Variants in HMGN5 observed in about 807,000 individuals in gnomAD.
HMGN5 encodes the protein high mobility group nucleosome binding domain 5, also known as high mobility group nucleosome-binding domain-containing protein 5.
A neutral mutation model predicts 9.5 loss-of-function variants in HMGN5; 4 were observed. The ratio of observed to expected loss-of-function variants is 0.42; its 90% CI spans 0.21 to 0.96. HMGN5 has a LOEUF of 0.96. Ranked by LOEUF, HMGN5 falls within the 40% of genes least tolerant of loss-of-function variation. HMGN5 has a pLI of 0.30. For missense variants in HMGN5, 192 were observed against 187.5 expected (o/e 1.02, Z -0.14); for synonymous variants, 55 against 57.1 (o/e 0.96, Z 0.16).
chrX:81,148,142 C>T (rs1406399841), intron 1 of HMGN5, among the ~76,000 whole-genome samples: 1 of 111,950 alleles, frequency 8.9e-6, no homozygotes, highest in Non-Finnish European at 1.9e-5. Context: ...CTTGAACTTT[C>T]ATATGGAACC....
At chrX:81,120,393 T>C (rs1569340587) in intron 2 of HMGN5, among the ~76,000 whole-genome samples, 1 of 111,313 alleles carries the variant, frequency 9.0e-6, no homozygotes, top group African/African-American at 3.3e-5. Context: ...AAGGTTGCTG[T>C]CAGCTCTGGA....
At chrX:81,124,990 G>C (rs910342174) in intron 1 of HMGN5, among the ~76,000 whole-genome samples, 2 of 110,288 alleles carry the variant, frequency 1.8e-5, no homozygotes, top group East Asian at 5.6e-4. Flanking sequence ...TATTGACAGA[G>C]AATCCAAAAG....
At chrX:81,198,057 G>C (rs965380606) in intron 1 of HMGN5, among the ~76,000 whole-genome samples, 3 of 111,386 alleles carry the variant, frequency 2.7e-5, no homozygotes, top group Non-Finnish European at 3.8e-5. Context: ...AAGAGCAAAG[G>C]CATGAGAGTG....
intron 1 of HMGN5, among the ~76,000 whole-genome samples, chrX:81,159,029 T>C (rs1329579026): frequency 8.9e-6 from 1 of 111,751 alleles, no homozygotes; most frequent in East Asian, 2.8e-4. Flanking sequence ...GTGGTACATA[T>C]ACACCATGGA....
chrX:81,128,907 A>C (rs1183255489), intron 1 of HMGN5, among the ~76,000 whole-genome samples: 1 of 111,943 alleles, frequency 8.9e-6, no homozygotes, highest in Non-Finnish European at 1.9e-5. Context: ...AGCTTACTCA[A>C]GTCTTCGTTT....
chrX:81,152,377 A>T (rs192945685), intron 1 of HMGN5, among the ~76,000 whole-genome samples: 3,370 of 112,004 alleles, frequency 0.03, 52 homozygotes, highest in Non-Finnish European at 0.048. Flanking sequence ...TTATGCAGCC[A>T]AAAAACACAT....
At chrX:81,138,757 C>A (rs142523727) in intron 1 of HMGN5, among the ~76,000 whole-genome samples, 1,295 of 111,254 alleles carry the variant, frequency 0.012, 11 homozygotes, top group Non-Finnish European at 0.018. Flanking sequence ...ATAAAAAAAC[C>A]TCTAGAACTA....
At chrX:81,155,058 GATATCAGTAT>G (rs951115166) in intron 1 of HMGN5, among the ~76,000 whole-genome samples, 4 of 86,632 alleles carry the variant, frequency 4.6e-5, no homozygotes, top group Admixed American at 1.4e-4. Context: ...TAAAAGAAAG[GATATCAGTAT>G]ATATCAGTAT....
At chrX:81,122,388 T>A (rs370620761) in intron 1 of HMGN5, among the ~76,000 whole-genome samples, 2 of 111,638 alleles carry the variant, frequency 1.8e-5, no homozygotes, top group East Asian at 2.8e-4. Context: ...AGATTTTTAA[T>A]CTGAAGGTTG....
chrX:81,167,485 AACAT>A (rs1313636865), intron 1 of HMGN5, among the ~76,000 whole-genome samples: 3 of 109,200 alleles, frequency 2.7e-5, no homozygotes, highest in Non-Finnish European at 5.7e-5. Flanking sequence ...CACACACACA[AACAT>A]ATAACTGAAG....
intron 1 of HMGN5, among the ~76,000 whole-genome samples, chrX:81,155,299 A>C (rs1457575148): frequency 1.9e-5 from 2 of 105,180 alleles, no homozygotes; most frequent in African/African-American, 6.9e-5. Context: ...ATTATAAAAT[A>C]TAAATTAGAG....
chrX:81,159,990 G>T (rs1259325596), intron 1 of HMGN5, among the ~76,000 whole-genome samples: 1 of 111,614 alleles, frequency 9.0e-6, no homozygotes, highest in African/African-American at 3.3e-5. Context: ...TCAAATATTT[G>T]TATGCAATTA....
In HMGN5 at chrX:81,127,705, T is replaced by G. The variant is rs1429462655; in HGVS notation, c.-123-6033A>C. On this transcript the variant is annotated intron_variant, in intron 1 of 6. Coordinates refer to ENST00000358130, the MANE Select transcript of HMGN5 (RefSeq NM_030763.3). ...AACACATGGGCCATCAACTGGAGCT[T>G]GCTTTAACTTAGACACATTTAAGGT... 1.1e-4 allele frequency among the ~76,000 whole-genome samples: 12 copies of G among 111,506 alleles called. No homozygotes were observed. The Admixed American group carries it at 1.2e-3, about 11-fold the overall frequency.
intron 1 of HMGN5, among the ~76,000 whole-genome samples, chrX:81,127,366 G>T (rs1159319286): frequency 9.0e-6 from 1 of 111,560 alleles, no homozygotes; most frequent in African/African-American, 3.3e-5. Flanking sequence ...ACTAGTGAGG[G>T]TTGATTAGAA....
chrX:81,165,393 C>T (rs1271061592), intron 1 of HMGN5, among the ~76,000 whole-genome samples: 3 of 110,836 alleles, frequency 2.7e-5, no homozygotes, highest in African/African-American at 9.8e-5. Context: ...GTGTATATAA[C>T]ATTGATTGAG....
chrX:81,151,690 A>AT (rs1387477656), intron 1 of HMGN5, among the ~76,000 whole-genome samples: 1 of 111,023 alleles, frequency 9.0e-6, no homozygotes, highest in African/African-American at 3.3e-5. Context: ...ATTCCTAAGT[A>AT]TTTTATTCTC....
intron 1 of HMGN5, among the ~76,000 whole-genome samples, chrX:81,132,247 T>C (rs1488426113): frequency 1.8e-5 from 2 of 111,273 alleles, no homozygotes; most frequent in Non-Finnish European, 3.8e-5. Flanking sequence ...CCCATGATCA[T>C]GGAAAGGAAG....
intron 1 of HMGN5, among the ~76,000 whole-genome samples, chrX:81,199,959 A>G (rs771768692): frequency 1.2e-4 from 13 of 112,069 alleles, no homozygotes; most frequent in African/African-American, 4.2e-4. Flanking sequence ...AATGGGAGAA[A>G]ATTTTTGCAA....
At chrX:81,173,038 C>A (rs1178969481) in intron 1 of HMGN5, among the ~76,000 whole-genome samples, 1 of 111,141 alleles carries the variant, frequency 9.0e-6, no homozygotes, top group Non-Finnish European at 1.9e-5. Flanking sequence ...TTTATGTCTA[C>A]AGATATACCT....
Sources: gnomAD v4.1 joint callset for allele counts (sites outside exome capture counted in the v4.1 genomes callset) on GRCh38, gnomAD v4.1.1 for gene constraint, MANE v1.5 for transcripts, NCBI Gene and HGNC (gene_info 2026-07-23, HGNC 2026-07-21) for gene names.